The following TEX2 variants were observed in gnomAD, a reference collection of about 807,000 sequenced individuals.
The protein encoded by TEX2 is testis-expressed protein 2.
TEX2 carries 53 observed loss-of-function variants against 106.9 expected under a neutral mutation model. The ratio of observed to expected loss-of-function variants is 0.50; its 90% CI spans 0.40 to 0.62. TEX2 has a LOEUF of 0.62. TEX2 is among the 20% of genes least tolerant of loss of function. The pLI is 0.00. For missense variants in TEX2, 1,207 were observed against 1,379.0 expected, an observed-to-expected ratio of 0.88 and a Z score of 1.98; for synonymous variants, 523 against 534.8, an observed-to-expected ratio of 0.98 and a Z score of 0.30.
chr17:64,251,617 C>T (rs1256781305), intron 1 of TEX2, among the ~76,000 whole-genome samples: 1 of 152,138 alleles, frequency 6.6e-6, no homozygotes, highest in Non-Finnish European at 1.5e-5. Flanking sequence ...TTCCTTTTGA[C>T]ATGTCAGGTG....
intron 1 of TEX2, among the ~76,000 whole-genome samples, chr17:64,215,063 T>G (rs1409268933): frequency 3.3e-5 from 5 of 152,258 alleles, no homozygotes; most frequent in Non-Finnish European, 7.3e-5. Flanking sequence ...CTATGCTTTC[T>G]GCCCTTCTGG....
At chr17:64,235,938 C>T (rs2033757054) in intron 1 of TEX2, among the ~76,000 whole-genome samples, 1 of 151,848 alleles carries the variant, frequency 6.6e-6, no homozygotes. Context: ...TATGAAATTC[C>T]ACCTGTAGCA....
chr17:64,219,766 C>T (rs530125779), intron 1 of TEX2, among the ~76,000 whole-genome samples: 2 of 152,236 alleles, frequency 1.3e-5, no homozygotes, highest in South Asian at 4.1e-4. Context: ...ACTTAAGTCA[C>T]TAAAGAGATA....
chr17:64,257,814 T>C (rs1292590995), intron 1 of TEX2, among the ~76,000 whole-genome samples: 1 of 152,092 alleles, frequency 6.6e-6, no homozygotes, highest in African/African-American at 2.4e-5. Context: ...CTTCACAACT[T>C]AGGAAAGGAA....
intron 2 of TEX2, among the ~76,000 whole-genome samples, chr17:64,208,951 T>C (rs577673514): frequency 4.6e-5 from 7 of 152,280 alleles, no homozygotes; most frequent in Admixed American, 1.3e-4. Flanking sequence ...AAAAGCAACA[T>C]CACCAGGAGA....
At chr17:64,244,271 CA>C (rs782601296) in intron 1 of TEX2, among the ~76,000 whole-genome samples, 9 of 152,172 alleles carry the variant, frequency 5.9e-5, no homozygotes, top group Non-Finnish European at 7.3e-5. Flanking sequence ...AACTAACACA[CA>C]ATCCTGATGT....
At chr17:64,201,512 G>A (rs191315384) in intron 2 of TEX2, among the ~76,000 whole-genome samples, 52 of 152,172 alleles carry the variant, frequency 3.4e-4, no homozygotes, top group African/African-American at 1.1e-3. Context: ...AATTCCCTAC[G>A]ATTTTACAGG....
rs1248647245 is a variant in TEX2 at position 64,148,251 on chromosome 17, CA to C, written c.*717del. On this transcript the variant is annotated 3_prime_UTR_variant, in exon 12 of 12. Transcript: ENST00000584379. ...GATGTTTTCACATACGCTCCTGTCT[CA>C]GGAAAACATTCAAGATTAGCTAGCC... is the stretch of plus-strand genomic sequence containing the variant. 1 of 152,632 alleles carries C rather than the reference CA, an allele frequency of 6.6e-6. No individual in the cohort carries two copies. Among genetic ancestry groups the C allele is most frequent in the Non-Finnish European group, 1.5e-5 (1 of 68,060 alleles). The allele number at this position is 152,632 out of a possible 1,614,324, so 9.5% of individuals were successfully genotyped here.
intron 4 of TEX2, among the ~76,000 whole-genome samples, chr17:64,191,078 C>T (rs2032279445): frequency 6.6e-6 from 1 of 152,196 alleles, no homozygotes; most frequent in Non-Finnish European, 1.5e-5. Context: ...CTAGTTTAAT[C>T]ACACTTTTGG....
At chr17:64,242,403 C>T (rs2033904332) in intron 1 of TEX2, 4 of 152,122 alleles carry the variant, frequency 2.6e-5, no homozygotes, top group African/African-American at 7.2e-5. Flanking sequence ...TCTTTTAGGA[C>T]ATGGAAAATC....
rs1476672457 is a variant in TEX2 at position 64,193,703 on chromosome 17, T to C, written c.2032A>G (p.Thr678Ala). 1.9e-6 allele frequency: 3 copies of C among 1,611,774 alleles called. No homozygotes were observed. The highest frequency in any genetic ancestry group is 1.7e-5 in the Admixed American group (1 of 59,534). ...PKKPPRPQEG[T>A]RSSQRDQILY... Reference sequence around the variant, plus strand: ...ATCTGATCTCGCTGGCTAGATCTTGTTCCCTCCTGAGGGCGGGGTGGCTTC... The same window carrying C: ...ATCTGATCTCGCTGGCTAGATCTTGCTCCCTCCTGAGGGCGGGGTGGCTTC... The change falls in exon 4 of 12, where the codon ACA becomes GCA. Residue 678 changes from threonine (T) to alanine (A), a missense_variant. By Grantham distance (58) the Thr-to-Ala change is moderately conservative. This residue lies in a region of TEX2 where 1,067 missense variants were observed against 1,193.6 expected (regional missense o/e 0.89). Coordinates refer to ENST00000584379, the MANE Select transcript of TEX2 (RefSeq NM_001288732.2).
At position 64,238,173 on chromosome 17, in the gene TEX2, G is replaced by T. The variant is rs185719485; in HGVS notation, c.-25-23931C>A. ...AAATTAGCTGGGCATGGTGGTGGGC[G>T]CCTATAATCCCAGCTACTCAGGAAG... On this transcript the variant is annotated intron_variant, in intron 1 of 11. Transcript: ENST00000584379. 2.6e-4 allele frequency among the ~76,000 whole-genome samples: 39 copies of T among 152,152 alleles called. 1 individual carries two copies. Among genetic ancestry groups the T allele is most frequent in the African/African-American group, 9.2e-4 (38 of 41,522 alleles).
chr17:64,169,823 C>T (rs568035921), intron 7 of TEX2, among the ~76,000 whole-genome samples: 1 of 152,152 alleles, frequency 6.6e-6, no homozygotes, highest in Non-Finnish European at 1.5e-5. Context: ...TCTTGAAAAG[C>T]TATAATTAGT....
At chr17:64,183,284 T>C (rs1315902365) in intron 5 of TEX2, among the ~76,000 whole-genome samples, 1 of 152,248 alleles carries the variant, frequency 6.6e-6, no homozygotes, top group African/African-American at 2.4e-5. Flanking sequence ...TGTATTTTCA[T>C]TTCTCTTGGA....
rs1431398083 is a variant in TEX2 at position 64,148,105 on chromosome 17, A to G, written c.*864T>C. Reference sequence around the variant, plus strand: ...GGAACTCTCCCAATCAGATTAACAAACTGTTTCGATTCCCATATAAACCTG... The same window carrying G: ...GGAACTCTCCCAATCAGATTAACAAGCTGTTTCGATTCCCATATAAACCTG... On this transcript the variant is annotated 3_prime_UTR_variant, in exon 12 of 12. Transcript: ENST00000584379. The G allele has an allele frequency of 6.6e-6, 1 of 152,504 alleles. No individual in the cohort carries two copies. Among genetic ancestry groups the G allele is most frequent in the Non-Finnish European group, 1.5e-5 (1 of 68,034 alleles). 9.4% of individuals were successfully genotyped at this position (152,504 alleles called of 1,614,324 possible).
intron 4 of TEX2, among the ~76,000 whole-genome samples, chr17:64,192,454 G>A (rs1350260722): frequency 1.3e-5 from 2 of 152,198 alleles, no homozygotes; most frequent in Non-Finnish European, 2.9e-5. Context: ...AAACACGCAA[G>A]GAAGGATTCT....
rs115053112 is a variant in TEX2 at position 64,185,032 on chromosome 17, A to C, written c.2424+3136T>G. On this transcript the variant is annotated intron_variant, in intron 5 of 11. Coordinates refer to ENST00000584379, the MANE Select transcript of TEX2 (RefSeq NM_001288732.2). The surrounding 1 kb of genome is among the most constrained non-coding windows in gnomAD (Gnocchi z 4.0). ...GCCCTGGAAAACTATTCTGCCAGTT[A>C]CAGACTTCCTGGTTTCTATTTGACT... Among the ~76,000 whole-genome samples, 792 of 152,274 alleles carry C rather than the reference A, an allele frequency of 5.2e-3. 10 individuals are homozygous for C. The highest frequency in any genetic ancestry group is 0.018 in the African/African-American group (750 of 41,552).
intron 4 of TEX2, among the ~76,000 whole-genome samples, chr17:64,190,758 G>A (rs2032266112): frequency 6.6e-6 from 1 of 152,202 alleles, no homozygotes; most frequent in South Asian, 2.1e-4. Flanking sequence ...ACTGCTGGCT[G>A]GAAATGCAGA....
At position 64,212,727 on chromosome 17, in the gene TEX2, T is replaced by C. The variant is rs781922850; in HGVS notation, c.1491A>G (p.Gly497=). 2 of 1,613,856 alleles carry C rather than the reference T, an allele frequency of 1.2e-6. No individual in the cohort carries two copies. Among genetic ancestry groups the C allele is most frequent in the Non-Finnish European group, 1.7e-6 (2 of 1,179,966 alleles). The change falls in exon 2 of 12, where the codon GGA becomes GGG. Residue 497 remains glycine, a synonymous_variant. Coordinates refer to ENST00000584379, the MANE Select transcript of TEX2 (RefSeq NM_001288732.2). ...ATCCAAGGCCAATTCCCAGAAAGAG[T>C]CCACTCACATAGTGGGGGAGGGGGA... is the stretch of plus-strand genomic sequence containing the variant. ...LILPLPHYVS[G]LFLGIGLGFM...
Sources: gnomAD v4.1 joint callset for allele counts (sites outside exome capture counted in the v4.1 genomes callset) on GRCh38, gnomAD v4.1.1 for gene constraint, gnomAD v4.1.1 regional missense constraint, Gnocchi (gnomAD v3.1) non-coding constraint, MANE v1.5 for transcripts, NCBI Gene and HGNC (gene_info 2026-07-23, HGNC 2026-07-21) for gene names.